The following HECTD4 variants were observed in gnomAD, a reference collection of about 807,000 sequenced individuals.
HECTD4 encodes the protein probable E3 ubiquitin-protein ligase HECTD4.
HECTD4 carries 114 observed loss-of-function variants against 471.5 expected under a neutral mutation model. That is an observed-to-expected ratio of 0.24 (90% CI 0.21 to 0.28). The LOEUF is 0.28. HECTD4 is among the 10% of genes least tolerant of loss of function. The probability of loss-of-function intolerance (pLI) is 1.00; values close to 1 mark genes in which losing one functional copy is unlikely to be tolerated. For synonymous variants in HECTD4, 2,012 were observed against 2,256.0 expected (o/e 0.89, Z 3.07); for missense variants, 3,866 against 5,651.5 (o/e 0.68, Z 10.13).
chr12:112,183,366 C>G, intron 61 of HECTD4, 100 bp from the exon 62 acceptor site: 1 of 943,212 alleles, frequency 1.1e-6, no homozygotes, highest in South Asian at 1.5e-5. Context: ...ACCCTCTATT[C>G]ATCTGCAGAG....
chr12:112,345,823 A>G (rs982747645), intron 1 of HECTD4, among the ~76,000 whole-genome samples: 9 of 152,174 alleles, frequency 5.9e-5, no homozygotes, highest in Non-Finnish European at 5.9e-5. Flanking sequence ...TGAACCCGGG[A>G]GGCAGAGCTT....
intron 54 of HECTD4, among the ~76,000 whole-genome samples, chr12:112,202,648 A>C (rs1463165962): frequency 6.6e-6 from 1 of 152,216 alleles, no homozygotes; most frequent in Admixed American, 6.5e-5. Context: ...CTCAGGCTTG[A>C]TCTGTATATT....
intron 1 of HECTD4, among the ~76,000 whole-genome samples, chr12:112,367,067 C>T (rs568637708): frequency 3.3e-5 from 5 of 149,688 alleles, no homozygotes; most frequent in African/African-American, 1.2e-4. Flanking sequence ...TTTGGGAAGC[C>T]GAGGCAAGCA....
chr12:112,240,101 G>T, intron 32 of HECTD4, 74 bp from the exon 33 acceptor site: 1 of 1,480,182 alleles, frequency 6.8e-7, no homozygotes, highest in Non-Finnish European at 9.3e-7. Flanking sequence ...GAGGCCTCTT[G>T]AGAAACTCTA....
At chr12:112,372,510 C>G (rs1460554532) in intron 1 of HECTD4, among the ~76,000 whole-genome samples, 1 of 12,134 alleles carries the variant, frequency 8.2e-5, no homozygotes, top group African/African-American at 1.2e-3. Flanking sequence ...ATCCGCCCAC[C>G]TGACCTCGTG....
chr12:112,310,769 T>C (rs1037224712), intron 4 of HECTD4, among the ~76,000 whole-genome samples: 18 of 152,348 alleles, frequency 1.2e-4, no homozygotes, highest in African/African-American at 4.3e-4. Flanking sequence ...TTAAAACTTA[T>C]AGATTACATT....
chr12:112,369,387 A>G (rs1044037751), intron 1 of HECTD4, among the ~76,000 whole-genome samples: 40 of 146,990 alleles, frequency 2.7e-4, no homozygotes, highest in African/African-American at 9.4e-4. Flanking sequence ...TGTCATCCAG[A>G]CTGAAGTGCA....
Position 112,188,162 on chromosome 12 carries a change from G to T in HECTD4, c.9472+2624C>A, listed in dbSNP as rs559138473. On this transcript the variant is annotated intron_variant, in intron 60 of 75. Transcript: ENST00000682272. This position sits in a 1 kb window ranked among gnomAD's most constrained non-coding sequence, Gnocchi z 4.2. ...AAATTAGCTGGGCATGGTAGCGGGCGCCTGTATTCCCAACTACTCAGGAGG... is the reference window on the plus strand; with the variant it reads ...AAATTAGCTGGGCATGGTAGCGGGCTCCTGTATTCCCAACTACTCAGGAGG... Among the ~76,000 whole-genome samples, 1 of 152,038 alleles carries T rather than the reference G, an allele frequency of 6.6e-6. No individual in the cohort carries two copies. Among genetic ancestry groups the T allele is most frequent in the African/African-American group, 2.4e-5 (1 of 41,406 alleles).
chr12:112,246,875 G>A lies in HECTD4; in HGVS notation c.4513+26C>T, dbSNP rs77712628. On this transcript the variant is annotated intron_variant, in intron 29 of 75. Coordinates refer to ENST00000682272, the MANE Select transcript of HECTD4 (RefSeq NM_001388303.1). The stretch of plus-strand genomic sequence containing the variant: ...ATTCTCTGTTCATATAACAGAAGCC[G>A]ATTAGGGGCTATCTTTGAGCAGTAC... 1.5e-3 allele frequency: 2,425 copies of A among 1,597,822 alleles called. 29 individuals carry two copies. The African/African-American group carries it at 0.029, about 19-fold the overall frequency.
rs1593973653 is a variant in HECTD4, at chr12:112,247,975, C to T, written c.4248+92G>A. ...CATTTTAGGAAATGACATTATTTTA[C>T]CTACACACACACACACACACACACA... On this transcript the variant is annotated intron_variant, in intron 27 of 75. Coordinates refer to ENST00000682272, the MANE Select transcript of HECTD4 (RefSeq NM_001388303.1). The T allele has an allele frequency of 9.0e-6, 7 of 778,254 alleles. No homozygotes were observed. In the East Asian group the frequency reaches 2.0e-4, roughly 22 times the overall value. 48.2% of individuals were successfully genotyped at this position (778,254 alleles called of 1,614,324 possible). A position where few individuals can be genotyped will look rare whatever the true frequency, so the allele number is the denominator to read the frequency against.
At position 112,283,174 on chromosome 12, in the gene HECTD4, C is replaced by T. The variant is rs540773843; in HGVS notation, c.1464G>A (p.Pro488=). 2.4e-5 allele frequency: 39 copies of T among 1,613,722 alleles called. No individual in the cohort carries two copies. Among genetic ancestry groups the T allele is most frequent in the South Asian group, 1.2e-4 (11 of 91,018 alleles). ...LSRLSRYRAS[P]SATLAALTGS... ...CAGTCAGGGCAGCAAGCGTTGCTGA[C>T]GGGGAGGCTCTATACCGAGAAAGTC... Residue 488 remains proline (P), a synonymous_variant, in exon 8 of 76, where the codon CCG becomes CCA. Transcript: ENST00000682272.
chr12:112,271,611 G>C, intron 11 of HECTD4, among the ~76,000 whole-genome samples: 1 of 152,146 alleles, frequency 6.6e-6, no homozygotes, highest in Admixed American at 6.5e-5. Context: ...TGTGTGACCA[G>C]TACTCCCCAA....
chr12:112,221,205 T>G (rs1179036648), intron 44 of HECTD4, among the ~76,000 whole-genome samples: 2 of 152,030 alleles, frequency 1.3e-5, no homozygotes, highest in Non-Finnish European at 2.9e-5. Flanking sequence ...TGTTTTAAAG[T>G]GTTGGTAGTG....
At chr12:112,233,662 T>A (rs2033436729) in intron 37 of HECTD4, among the ~76,000 whole-genome samples, 1 of 152,132 alleles carries the variant, frequency 6.6e-6, no homozygotes, top group Non-Finnish European at 1.5e-5. Context: ...GAAATCCAGA[T>A]GAAAATAATG....
At chr12:112,301,045 C>T (rs545360358) in intron 7 of HECTD4, among the ~76,000 whole-genome samples, 13 of 151,162 alleles carry the variant, frequency 8.6e-5, no homozygotes, top group Non-Finnish European at 1.5e-4. Context: ...CCACCATGCC[C>T]GGCTAATTTT....
intron 50 of HECTD4, among the ~76,000 whole-genome samples, chr12:112,209,443 A>G (rs2032696785): frequency 1.3e-5 from 2 of 151,242 alleles, no homozygotes; most frequent in South Asian, 2.1e-4. Context: ...CTTCTGCCTC[A>G]GCCTCCTGAG....
At chr12:112,301,106 T>G (rs1295081925) in intron 7 of HECTD4, among the ~76,000 whole-genome samples, 1 of 151,702 alleles carries the variant, frequency 6.6e-6, no homozygotes, top group Non-Finnish European at 1.5e-5. Context: ...CAGGCTGGTC[T>G]CGAACTCCTG....
intron 6 of HECTD4, among the ~76,000 whole-genome samples, chr12:112,308,081 GCCTAGCA>G (rs2035300376): frequency 1.3e-5 from 2 of 152,332 alleles, no homozygotes; most frequent in Non-Finnish European, 2.9e-5. Flanking sequence ...CTAGGCCAAG[GCCTAGCA>G]CATAGGAGAT....
In HECTD4 at chr12:112,163,288, C is replaced by T; in HGVS notation, c.12898-24G>A. On this transcript the variant is annotated intron_variant, in intron 74 of 75. Transcript: ENST00000682272. The surrounding 1 kb of genome is among the most constrained non-coding windows in gnomAD (Gnocchi z 8.2). ...GCCTGGGGAGGAGAGGTCCAGGTGT[C>T]AGGAGCCCTGGAGCCCCACCTACCC... 1 of 1,590,298 alleles carries T rather than the reference C, an allele frequency of 6.3e-7. No homozygotes were observed.
Sources: allele counts gnomAD v4.1 joint callset (sites outside exome capture counted in the v4.1 genomes callset), GRCh38; gene constraint gnomAD v4.1.1; non-coding constraint Gnocchi (gnomAD v3.1); transcripts MANE v1.5; gene names NCBI Gene and HGNC (gene_info 2026-07-23, HGNC 2026-07-21).